PARD3B: variants seen among roughly 807,000 people sequenced by gnomAD.
PARD3B encodes the protein partitioning defective 3 homolog B.
Under a neutral mutation model 130.2 loss-of-function variants are expected in PARD3B, and 103 were observed. The observed-to-expected ratio is 0.79, with a 90% CI of 0.67 to 0.93. The LOEUF is 0.93. Among genes scored for constraint, PARD3B ranks in the 40% least tolerant of loss-of-function variants. PARD3B has a pLI of 0.00. For missense variants in PARD3B, 1,609 were observed against 1,499.2 expected (o/e 1.07, Z -1.21); for synonymous variants, 583 against 553.2 (o/e 1.05, Z -0.76).
chr2:204,953,034 A>T (rs1461226373), intron 2 of PARD3B, among the ~76,000 whole-genome samples: 4 of 144,314 alleles, frequency 2.8e-5, no homozygotes. Context: ...ATGTGTGTAT[A>T]TATGTATATA....
chr2:205,297,552 A>C (rs2041840306), intron 16 of PARD3B, among the ~76,000 whole-genome samples: 1 of 152,136 alleles, frequency 6.6e-6, no homozygotes, highest in Admixed American at 6.5e-5. Context: ...CTTCTGTAGG[A>C]GCCCTCAAAC....
chr2:204,899,167 G>A (rs991846216), intron 2 of PARD3B, among the ~76,000 whole-genome samples: 7 of 149,586 alleles, frequency 4.7e-5, no homozygotes, highest in African/African-American at 1.7e-4. Context: ...TTTTTTAGTT[G>A]CCTTTTGGTC....
chr2:205,493,712 TCATTTATGTATG>T (rs2049811321), intron 20 of PARD3B, among the ~76,000 whole-genome samples: 1 of 136,964 alleles, frequency 7.3e-6, no homozygotes, highest in Non-Finnish European at 1.6e-5. Flanking sequence ...CCATTTCTTT[TCATTTATGTATG>T]TATTTATTTA....
chr2:205,375,343 C>T (rs899772949), intron 18 of PARD3B, among the ~76,000 whole-genome samples: 3 of 152,186 alleles, frequency 2.0e-5, no homozygotes, highest in African/African-American at 7.2e-5. Context: ...TTCATTCGCT[C>T]ATTCATTCCT....
chr2:204,587,757 C>G (rs1057425471), intron 1 of PARD3B, among the ~76,000 whole-genome samples: 1 of 152,128 alleles, frequency 6.6e-6, no homozygotes, highest in South Asian at 2.1e-4. Context: ...TCATCCTGAA[C>G]TATAGTTCCC....
intron 22 of PARD3B, among the ~76,000 whole-genome samples, chr2:205,557,855 C>T (rs909905889): frequency 6.6e-6 from 1 of 152,106 alleles, no homozygotes; most frequent in Non-Finnish European, 1.5e-5. Flanking sequence ...CACCAACTAC[C>T]CTCTCTCGGC....
chr2:204,675,936 A>C lies in PARD3B; in HGVS notation c.121-10245A>C, dbSNP rs1351114620. On this transcript the variant is annotated intron_variant, in intron 1 of 22. Coordinates refer to ENST00000406610, the MANE Select transcript of PARD3B (RefSeq NM_001302769.2). The surrounding 1 kb of genome is among the most constrained non-coding windows in gnomAD (Gnocchi z 4.4). ...ATACATCAGAAGAAAACAACTATTAATACCTTTTCTATGGCTTAACCTTTG... is the reference window on the plus strand; with the variant it reads ...ATACATCAGAAGAAAACAACTATTACTACCTTTTCTATGGCTTAACCTTTG... Among the ~76,000 whole-genome samples the C allele has an allele frequency of 6.6e-6, 1 of 151,844 alleles. No individual in the cohort carries two copies. The highest frequency in any genetic ancestry group is 2.4e-5 in the African/African-American group (1 of 41,336).
chr2:205,313,380 T>G (rs575064815), intron 18 of PARD3B, among the ~76,000 whole-genome samples: 1 of 152,320 alleles, frequency 6.6e-6, no homozygotes, highest in East Asian at 1.9e-4. Context: ...TTCTGTTTTT[T>G]GAGCACATGT....
chr2:204,762,116 ATTTTTTTTTTTTTTTT>A (rs968166780), intron 2 of PARD3B, among the ~76,000 whole-genome samples: 3 of 95,378 alleles, frequency 3.1e-5, no homozygotes, highest in Non-Finnish European at 6.2e-5. Flanking sequence ...TTCTTTTTCT[ATTTTTTTTTTTTTTTT>A]TTTTTTTGAG....
Position 204,545,951 on chromosome 2 carries a change from G to A in PARD3B, c.-49G>A, listed in dbSNP as rs1229185180. 2.7e-6 allele frequency: 4 copies of A among 1,490,354 alleles called. No homozygotes were observed. The South Asian group carries it at 3.9e-5, about 15-fold the overall frequency. The allele number at this position is 1,490,354 out of a possible 1,614,324, so 92.3% of individuals were successfully genotyped here. A position where few individuals can be genotyped will look rare whatever the true frequency, so the allele number is the denominator to read the frequency against. ...TCCGAGAGTGGGGGCTGCGCCCGCGGGGTCAGACACCTGTTCGGCCCGGCC... is the reference window on the plus strand; with the variant it reads ...TCCGAGAGTGGGGGCTGCGCCCGCGAGGTCAGACACCTGTTCGGCCCGGCC... On this transcript the variant is annotated 5_prime_UTR_variant, in exon 1 of 23. Coordinates refer to ENST00000406610, the MANE Select transcript of PARD3B (RefSeq NM_001302769.2).
At chr2:205,451,766 A>G (rs1027083663) in intron 20 of PARD3B, among the ~76,000 whole-genome samples, 1 of 151,940 alleles carries the variant, frequency 6.6e-6, no homozygotes, top group African/African-American at 2.4e-5. Flanking sequence ...TAATAATCAC[A>G]TCATGGAAAA....
At position 205,060,828 on chromosome 2, in the gene PARD3B, G is replaced by A. The variant is rs967074011; in HGVS notation, c.504+13138G>A. ...TTTTATTTTTAGCTTCTCAACTAAC[G>A]TCATGAATGTGAATCTTATATTAAG... On this transcript the variant is annotated intron_variant, in intron 4 of 22. Coordinates refer to ENST00000406610, the MANE Select transcript of PARD3B (RefSeq NM_001302769.2). Among the ~76,000 whole-genome samples, 5 of 152,002 alleles carry A rather than the reference G, an allele frequency of 3.3e-5. No individual in the cohort carries two copies. The East Asian group carries it at 5.8e-4, about 18-fold the overall frequency.
In PARD3B at chr2:205,248,993, G is replaced by A. The variant is rs567594808; in HGVS notation, c.2185+3171G>A. Among the ~76,000 whole-genome samples the A allele has an allele frequency of 9.5e-5, 14 of 147,192 alleles. No individual in the cohort carries two copies. In the East Asian group the frequency reaches 2.6e-3, roughly 27 times the overall value. On this transcript the variant is annotated intron_variant, in intron 16 of 22. Transcript: ENST00000406610. ...CCAAATTCTTTCTTCAGAATATTTA[G>A]GTTAAAATAAGAGTTTTTTTTTTTT...
chr2:204,831,187 T>C, intron 2 of PARD3B, among the ~76,000 whole-genome samples: 1 of 152,166 alleles, frequency 6.6e-6, no homozygotes, highest in East Asian at 1.9e-4. Flanking sequence ...AACTTTTCTA[T>C]GAATAGAAAA....
At chr2:205,057,936 T>G (rs1699837037) in intron 4 of PARD3B, among the ~76,000 whole-genome samples, 1 of 151,754 alleles carries the variant, frequency 6.6e-6, no homozygotes, top group Admixed American at 6.6e-5. Context: ...ATTTACTGTC[T>G]TAACAATTTT....
intron 11 of PARD3B, among the ~76,000 whole-genome samples, chr2:205,162,432 G>A (rs920489487): frequency 6.6e-5 from 10 of 152,150 alleles, no homozygotes; most frequent in East Asian, 5.8e-4. Flanking sequence ...CCATAACAGC[G>A]GAATATTGCT....
At chr2:204,611,167 A>G (rs2033908139) in intron 1 of PARD3B, among the ~76,000 whole-genome samples, 2 of 152,128 alleles carry the variant, frequency 1.3e-5, no homozygotes, top group Admixed American at 6.5e-5. Flanking sequence ...CATGAGTCCT[A>G]ATGTATCAGA....
intron 2 of PARD3B, among the ~76,000 whole-genome samples, chr2:204,908,238 A>G (rs2047106727): frequency 6.6e-6 from 1 of 152,246 alleles, no homozygotes; most frequent in Non-Finnish European, 1.5e-5. Context: ...ACACACGTTA[A>G]TAATTCTTAA....
At chr2:204,895,553 TAAC>T (rs1366332644) in intron 2 of PARD3B, among the ~76,000 whole-genome samples, 2 of 152,146 alleles carry the variant, frequency 1.3e-5, no homozygotes, top group South Asian at 2.1e-4. Context: ...ATTTTTGTAA[TAAC>T]AAGCTAAGAA....
Sources: gnomAD v4.1 joint callset for allele counts (sites outside exome capture counted in the v4.1 genomes callset) on GRCh38, gnomAD v4.1.1 for gene constraint, Gnocchi (gnomAD v3.1) non-coding constraint, MANE v1.5 for transcripts, NCBI Gene and HGNC (gene_info 2026-07-23, HGNC 2026-07-21) for gene names.